IFT74: variants seen among roughly 807,000 people sequenced by gnomAD.
IFT74 encodes the protein intraflagellar transport 74, also known as intraflagellar transport protein 74 homolog.
In IFT74, 92 loss-of-function variants were observed where a neutral mutation model predicts 96.7. That is an observed-to-expected ratio of 0.95 (90% CI 0.80 to 1.13). The LOEUF (loss-of-function observed/expected upper bound fraction) is 1.13, where lower values mean the gene tolerates loss of function less well. IFT74 is among the 50% of genes most tolerant of loss of function. IFT74 has a pLI of 0.00. For missense variants in IFT74, 811 were observed against 698.2 expected, an observed-to-expected ratio of 1.16 and a Z score of -1.82; for synonymous variants, 223 against 213.2, an observed-to-expected ratio of 1.05 and a Z score of -0.40.
At chr9:27,016,867 A>G (rs1047205851) in intron 10 of IFT74, 40 bp from the exon 11 acceptor site, 8 of 1,504,268 alleles carry the variant, frequency 5.3e-6, no homozygotes, top group African/African-American at 1.4e-5. Flanking sequence ...AATTATTGAT[A>G]AAATACTAAT....
chr9:26,978,269 T>C lies in IFT74; in HGVS notation c.256+6T>C, dbSNP rs1827214857. On this transcript the variant is annotated splice_donor_region_variant and intron_variant, in intron 3 of 19. Transcript: ENST00000380062. ...AATGAAAACTGGGACGAAAGGTACC[T>C]ATTTTAAGATAAGTATGACACTTGG... The C allele has an allele frequency of 1.9e-6, 3 of 1,612,156 alleles. No homozygotes were observed. The highest frequency in any genetic ancestry group is 2.5e-6 in the Non-Finnish European group (3 of 1,179,558).
intron 13 of IFT74, among the ~76,000 whole-genome samples, chr9:27,032,605 C>T (rs1830177146): frequency 1.3e-5 from 2 of 152,028 alleles, no homozygotes; most frequent in South Asian, 4.1e-4. Context: ...CAGTGGCTCA[C>T]GCCTGTAATC....
chr9:27,011,971 A>G lies in IFT74; in HGVS notation c.789+3A>G. 1 of 1,579,412 alleles carries G rather than the reference A, an allele frequency of 6.3e-7. No individual in the cohort carries two copies. ...TGAAAAAAGAGAGCCTGGAAGCAGT[A>G]AGTATAAAATCAAATAAGGGTTCTC... is the stretch of plus-strand genomic sequence containing the variant. On this transcript the variant is annotated splice_donor_region_variant and intron_variant, in intron 10 of 19. Transcript: ENST00000380062.
intron 19 of IFT74, 121 bp from the exon 20 acceptor site, chr9:27,062,497 A>C (rs1368499369): frequency 1.7e-6 from 1 of 593,480 alleles, no homozygotes; most frequent in African/African-American, 1.9e-5. Flanking sequence ...TGTATTTTAA[A>C]GTATTCTAAT....
At chr9:26,961,083 G>GTT (rs1349288699) in intron 1 of IFT74, among the ~76,000 whole-genome samples, 6,417 of 118,414 alleles carry the variant, frequency 0.054, 251 homozygotes, top group South Asian at 0.12. Flanking sequence ...AGTGAATCTT[G>GTT]TTTTTTTTTT....
At chr9:26,990,035 A>G (rs1371497724) in intron 7 of IFT74, 99 bp from the exon 8 acceptor site, 1 of 546,742 alleles carries the variant, frequency 1.8e-6, no homozygotes, top group East Asian at 3.4e-5. Context: ...TAGGATAATT[A>G]TAGTAATTTC....
At chr9:26,978,915 G>C (rs555385434) in intron 3 of IFT74, among the ~76,000 whole-genome samples, 2 of 152,138 alleles carry the variant, frequency 1.3e-5, no homozygotes, top group South Asian at 4.1e-4. Context: ...ATATATTAGA[G>C]TTTAAAATTT....
chr9:27,015,179 A>T (rs1829283068), intron 10 of IFT74, among the ~76,000 whole-genome samples: 1 of 152,164 alleles, frequency 6.6e-6, no homozygotes, highest in East Asian at 1.9e-4. Flanking sequence ...GATAGCATAA[A>T]ATATCTGCAT....
Position 26,978,281 on chromosome 9 carries a change from A to G in IFT74, c.256+18A>G. 1 of 1,611,072 alleles carries G rather than the reference A, an allele frequency of 6.2e-7. No homozygotes were observed. The highest frequency in any genetic ancestry group is 8.5e-7 in the Non-Finnish European group (1 of 1,179,042). On this transcript the variant is annotated intron_variant, in intron 3 of 19. Coordinates refer to ENST00000380062, the MANE Select transcript of IFT74 (RefSeq NM_025103.4). ...GACGAAAGGTACCTATTTTAAGATAAGTATGACACTTGGGCCTGTGTTTTG... is the reference window on the plus strand; with the variant it reads ...GACGAAAGGTACCTATTTTAAGATAGGTATGACACTTGGGCCTGTGTTTTG...
chr9:27,055,325 T>A (rs912820389), intron 16 of IFT74, among the ~76,000 whole-genome samples: 1 of 152,158 alleles, frequency 6.6e-6, no homozygotes, highest in Non-Finnish European at 1.5e-5. Context: ...ATAGATTATA[T>A]TACTAAGCAA....
intron 10 of IFT74, among the ~76,000 whole-genome samples, chr9:27,012,414 C>A (rs901066325): frequency 6.6e-6 from 1 of 151,682 alleles, no homozygotes; most frequent in Non-Finnish European, 1.5e-5. Flanking sequence ...TTTGTAAAGA[C>A]AGGGTCTCGT....
rs556774528 is a variant in IFT74, at chr9:26,963,205, G to A, written c.120+1118G>A. Among the ~76,000 whole-genome samples the A allele has an allele frequency of 1.3e-4, 20 of 151,512 alleles. No individual in the cohort carries two copies. In the South Asian group the frequency reaches 2.7e-3, roughly 21 times the overall value. On this transcript the variant is annotated intron_variant, in intron 2 of 19. Coordinates refer to ENST00000380062, the MANE Select transcript of IFT74 (RefSeq NM_025103.4). ...TTCCCACCTATGAGTGAGAATATGC[G>A]GTGTTTGGTTTTTTGTTCTTGCGGT...
At chr9:27,054,478 G>A (rs1280294624) in intron 16 of IFT74, among the ~76,000 whole-genome samples, 2 of 152,118 alleles carry the variant, frequency 1.3e-5, no homozygotes, top group Non-Finnish European at 2.9e-5. Flanking sequence ...AGCTCCCTGA[G>A]TGAAAACCAT....
chr9:26,947,245 C>G, intron 1 of IFT74: 3 of 577,162 alleles, frequency 5.2e-6, no homozygotes, highest in Non-Finnish European at 8.9e-6. Context: ...GCAAGCCTGA[C>G]AGGCACTCCG....
chr9:26,979,436 C>G (rs1827262227), intron 3 of IFT74, among the ~76,000 whole-genome samples: 1 of 151,986 alleles, frequency 6.6e-6, no homozygotes, highest in Non-Finnish European at 1.5e-5. Flanking sequence ...TCCTTCAAAA[C>G]AGAACCAATA....
chr9:26,967,036 T>C (rs1168979520), intron 2 of IFT74, among the ~76,000 whole-genome samples: 3 of 151,886 alleles, frequency 2.0e-5, no homozygotes, highest in African/African-American at 7.2e-5. Flanking sequence ...GCTTTTCTTT[T>C]TCTTTTCCTT....
intron 10 of IFT74, 89 bp from the exon 11 acceptor site, chr9:27,016,818 T>A (rs1829364533): frequency 2.1e-6 from 2 of 966,748 alleles, no homozygotes; most frequent in Non-Finnish European, 1.5e-6. Context: ...GTAGTTTAAA[T>A]TTACCCCCAT....
intron 2 of IFT74, among the ~76,000 whole-genome samples, chr9:26,965,736 A>T (rs572612699): frequency 2.0e-5 from 3 of 152,178 alleles, no homozygotes; most frequent in South Asian, 4.1e-4. Flanking sequence ...CCATCACCTG[A>T]ATAGTGAACA....
intron 16 of IFT74, among the ~76,000 whole-genome samples, chr9:27,050,450 A>C (rs1308881060): frequency 6.6e-6 from 1 of 152,168 alleles, no homozygotes; most frequent in Non-Finnish European, 1.5e-5. Flanking sequence ...ACAAATAAAC[A>C]AAGTTGAGGT....
Sources: allele counts gnomAD v4.1 joint callset (sites outside exome capture counted in the v4.1 genomes callset), GRCh38; gene constraint gnomAD v4.1.1; transcripts MANE v1.5; gene names NCBI Gene and HGNC (gene_info 2026-07-23, HGNC 2026-07-21).